The following BACE2 variants were observed in gnomAD, a reference collection of about 807,000 sequenced individuals.
The protein encoded by BACE2 is beta-secretase 2, also known as 56 kDa aspartic-like protease.
A neutral mutation model predicts 46.2 loss-of-function variants in BACE2; 17 were observed. The ratio of observed to expected loss-of-function variants is 0.37; its 90% CI spans 0.25 to 0.55. The LOEUF (loss-of-function observed/expected upper bound fraction) is 0.55. BACE2 is among the 20% of genes least tolerant of loss of function. The probability of loss-of-function intolerance (pLI) is 0.82; values close to 1 mark genes in which losing one functional copy is unlikely to be tolerated. For synonymous variants in BACE2, 277 were observed against 295.9 expected, an observed-to-expected ratio of 0.94 and a Z score of 0.66; for missense variants, 595 against 698.1, an observed-to-expected ratio of 0.85 and a Z score of 1.66.
chr21:41,245,539 G>A (rs1359078781), intron 5 of BACE2, among the ~76,000 whole-genome samples: 1 of 152,244 alleles, frequency 6.6e-6, no homozygotes, highest in Non-Finnish European at 1.5e-5. Flanking sequence ...CTCTTCGTTA[G>A]TGAGGTCATA....
chr21:41,264,511 C>G (rs182881478), intron 8 of BACE2, among the ~76,000 whole-genome samples: 2 of 151,884 alleles, frequency 1.3e-5, no homozygotes, highest in African/African-American at 4.8e-5. Flanking sequence ...TTCTGCTTCT[C>G]GGGAGGCCTC....
rs998837206 is a variant in BACE2, at chr21:41,282,530, A to G, written c.*6906A>G. On this transcript the variant is annotated 3_prime_UTR_variant, in exon 9 of 9. Coordinates refer to ENST00000330333, the MANE Select transcript of BACE2 (RefSeq NM_012105.5). ...TTTATTTGAATAAATAATACTCCCA[A>G]CCTGTTGCTTTTGGAATGTTTTGTA... 2.0e-5 allele frequency: 3 copies of G among 152,182 alleles called. No homozygotes were observed. The highest frequency in any genetic ancestry group is 4.4e-5 in the Non-Finnish European group (3 of 68,030). 9.4% of individuals were successfully genotyped at this position (152,182 alleles called of 1,614,324 possible).
intron 6 of BACE2, 139 bp from the exon 7 acceptor site, chr21:41,250,613 A>G: frequency 1.4e-6 from 1 of 721,942 alleles, no homozygotes; most frequent in South Asian, 1.8e-5. Flanking sequence ...CCAGGGGACT[A>G]ATGTCCCTGC....
rs201913273 is a variant in BACE2, at chr21:41,196,122, T to TA, written c.312+27555dup. On this transcript the variant is annotated intron_variant, in intron 1 of 8. Transcript: ENST00000330333. ...CAACATGGTGAAACCCCGTCTTTAC[T>TA]AAAAAAAATAAAAATAAAAATAAAA... Among the ~76,000 whole-genome samples the TA allele has an allele frequency of 1.3e-3, 200 of 151,400 alleles. 6 individuals carry two copies. The East Asian group carries it at 0.034, about 26-fold the overall frequency.
chr21:41,246,259 T>C, intron 6 of BACE2, 196 bp downstream of exon 6: 1 of 320,438 alleles, frequency 3.1e-6, no homozygotes, highest in Non-Finnish European at 5.6e-6. Context: ...TTAAAATCTT[T>C]ATATTTTGAA....
intron 2 of BACE2, among the ~76,000 whole-genome samples, chr21:41,230,507 C>T (rs1986939893): frequency 6.6e-6 from 1 of 152,198 alleles, no homozygotes; most frequent in South Asian, 2.1e-4. Context: ...CAATTTTTGA[C>T]AAAGGTTTCT....
chr21:41,223,055 T>C (rs1986704237), intron 1 of BACE2, among the ~76,000 whole-genome samples: 1 of 152,056 alleles, frequency 6.6e-6, no homozygotes, highest in South Asian at 2.1e-4. Flanking sequence ...AACTGAGAGC[T>C]GAAAACAACA....
intron 7 of BACE2, 82 bp from the exon 8 acceptor site, chr21:41,257,076 T>C (rs959359492): frequency 5.9e-6 from 9 of 1,537,964 alleles, no homozygotes; most frequent in East Asian, 2.3e-5. Context: ...GTCCTGAGCA[T>C]GCGTGTGACC....
At chr21:41,253,768 A>G (rs1449738800) in intron 7 of BACE2, among the ~76,000 whole-genome samples, 1 of 152,210 alleles carries the variant, frequency 6.6e-6, no homozygotes, top group Admixed American at 6.5e-5. Flanking sequence ...TCATTTGCAC[A>G]TCTCTGCATA....
chr21:41,278,571 G>C lies in BACE2; in HGVS notation c.*2947G>C, dbSNP rs1045263858. 6.6e-6 allele frequency: 1 copy of C among 152,220 alleles called. No homozygotes were observed. 9.4% of individuals were successfully genotyped at this position (152,220 alleles called of 1,614,324 possible). The stretch of plus-strand genomic sequence containing the variant: ...GTGAAACACAGAGGTTTTGGTTGGA[G>C]ATAAATTTGGGGTCAGTTACTGTTC... On this transcript the variant is annotated 3_prime_UTR_variant, in exon 9 of 9. Transcript: ENST00000330333.
At chr21:41,253,776 A>G (rs944594759) in intron 7 of BACE2, among the ~76,000 whole-genome samples, 18 of 152,230 alleles carry the variant, frequency 1.2e-4, no homozygotes, top group African/African-American at 4.1e-4. Context: ...ACATCTCTGC[A>G]TAAGAATTCA....
rs990722887 is a variant in BACE2, at chr21:41,188,290, A to T, written c.312+19715A>T. On this transcript the variant is annotated intron_variant, in intron 1 of 8. Transcript: ENST00000330333. ...TGCTCATCTCTGTATCCATGGACATATGCCTCATTGCCTGGGTTTATGAAT... is the reference window on the plus strand; with the variant it reads ...TGCTCATCTCTGTATCCATGGACATTTGCCTCATTGCCTGGGTTTATGAAT... Among the ~76,000 whole-genome samples the T allele has an allele frequency of 1.3e-4, 20 of 152,138 alleles. 1 individual carries two copies. Among genetic ancestry groups the T allele is most frequent in the African/African-American group, 4.8e-4 (20 of 41,430 alleles).
chr21:41,177,234 G>A (rs1453886311), intron 1 of BACE2: 1 of 152,422 alleles, frequency 6.6e-6, no homozygotes, highest in Middle Eastern at 3.4e-3. Flanking sequence ...TGGGCTGGAG[G>A]ACGTGTGCCT....
intron 8 of BACE2, among the ~76,000 whole-genome samples, chr21:41,260,317 G>A (rs780289697): frequency 2.6e-5 from 4 of 151,090 alleles, no homozygotes; most frequent in Non-Finnish European, 5.9e-5. Context: ...AAAATTTTTG[G>A]TATTTTGTGT....
At chr21:41,170,215 C>A (rs1244261589) in intron 1 of BACE2, among the ~76,000 whole-genome samples, 16 of 148,306 alleles carry the variant, frequency 1.1e-4, no homozygotes, top group Non-Finnish European at 1.0e-4. Context: ...CTTTGGCAAT[C>A]AAAAAAAAAA....
At position 41,280,903 on chromosome 21, in the gene BACE2, C is replaced by G. The variant is rs2088541039; in HGVS notation, c.*5279C>G. On this transcript the variant is annotated 3_prime_UTR_variant, in exon 9 of 9. Coordinates refer to ENST00000330333, the MANE Select transcript of BACE2 (RefSeq NM_012105.5). ...CACACTTGTGTGCTTAAAAAGCACA[C>G]CGTGGGTAGTGACTGGGCCAAGAGA... is the stretch of plus-strand genomic sequence containing the variant. 1 of 152,258 alleles carries G rather than the reference C, an allele frequency of 6.6e-6. No individual in the cohort carries two copies. The highest frequency in any genetic ancestry group is 6.5e-5 in the Admixed American group (1 of 15,290). 9.4% of individuals were successfully genotyped at this position (152,258 alleles called of 1,614,324 possible). A position where few individuals can be genotyped will look rare whatever the true frequency, so the allele number is the denominator to read the frequency against.
intron 1 of BACE2, among the ~76,000 whole-genome samples, chr21:41,189,556 G>T (rs1236512163): frequency 3.9e-5 from 6 of 152,008 alleles, no homozygotes; most frequent in Admixed American, 3.3e-4. Context: ...CTTTTTATCT[G>T]TCTCCTCCAA....
At chr21:41,172,428 G>C (rs1023599597) in intron 1 of BACE2, among the ~76,000 whole-genome samples, 2 of 152,168 alleles carry the variant, frequency 1.3e-5, no homozygotes, top group Non-Finnish European at 2.9e-5. Flanking sequence ...TCCTTGCAAC[G>C]TCCTGGAAAA....
intron 1 of BACE2, among the ~76,000 whole-genome samples, chr21:41,190,730 A>G (rs1213558949): frequency 6.6e-6 from 1 of 152,174 alleles, no homozygotes; most frequent in Non-Finnish European, 1.5e-5. Flanking sequence ...TCTTAATCAC[A>G]GGGCATGGTA....
Sources: gnomAD v4.1 joint callset for allele counts (sites outside exome capture counted in the v4.1 genomes callset) on GRCh38, gnomAD v4.1.1 for gene constraint, MANE v1.5 for transcripts, NCBI Gene and HGNC (gene_info 2026-07-23, HGNC 2026-07-21) for gene names.